PXDNL: variants seen among roughly 807,000 people sequenced by gnomAD.
The protein encoded by PXDNL is probable oxidoreductase PXDNL.
Under a neutral mutation model 150.8 loss-of-function variants are expected in PXDNL, and 145 were observed. The observed-to-expected ratio is 0.96, with a 90% CI of 0.84 to 1.10. The LOEUF is 1.10. PXDNL is among the 50% of genes least tolerant of loss of function. The pLI, the probability that PXDNL is intolerant of heterozygous loss-of-function variation, is 0.00. For synonymous variants in PXDNL, 757 were observed against 725.7 expected (o/e 1.04, Z -0.69); for missense variants, 2,087 against 1,873.9 (o/e 1.11, Z -2.10).
intron 2 of PXDNL, among the ~76,000 whole-genome samples, chr8:51,652,561 C>T (rs1157494636): frequency 1.3e-5 from 2 of 152,090 alleles, no homozygotes; most frequent in Non-Finnish European, 2.9e-5. Context: ...TGAATGCTAT[C>T]ATGAGAAACC....
intron 17 of PXDNL, among the ~76,000 whole-genome samples, chr8:51,405,075 C>T (rs954650225): frequency 6.6e-6 from 1 of 152,276 alleles, no homozygotes; most frequent in Non-Finnish European, 1.5e-5. Flanking sequence ...TGCCTGGGGC[C>T]GGCAGCCCCG....
intron 1 of PXDNL, among the ~76,000 whole-genome samples, chr8:51,780,319 G>A (rs745728453): frequency 2.6e-5 from 4 of 152,126 alleles, no homozygotes; most frequent in African/African-American, 7.2e-5. Flanking sequence ...GGACACTAAT[G>A]TAGATAGCTG....
chr8:51,791,904 A>G (rs2037516871), intron 1 of PXDNL, among the ~76,000 whole-genome samples: 1 of 152,218 alleles, frequency 6.6e-6, no homozygotes, highest in African/African-American at 2.4e-5. Context: ...TTAGCAATAC[A>G]TTGTAAATCT....
At chr8:51,603,894 T>C (rs1430131316) in intron 2 of PXDNL, among the ~76,000 whole-genome samples, 2 of 152,170 alleles carry the variant, frequency 1.3e-5, no homozygotes, top group Admixed American at 6.5e-5. Context: ...AGTGACAAAG[T>C]AGTGTCACTG....
At chr8:51,354,011 C>A (rs1261421712) in intron 19 of PXDNL, among the ~76,000 whole-genome samples, 2 of 152,070 alleles carry the variant, frequency 1.3e-5, no homozygotes. Context: ...TTCAGTAATT[C>A]TCTTAATGCA....
intron 4 of PXDNL, among the ~76,000 whole-genome samples, chr8:51,550,824 A>C (rs1189929298): frequency 6.6e-6 from 1 of 152,200 alleles, no homozygotes; most frequent in East Asian, 1.9e-4. Context: ...CAGAGCAATC[A>C]GACAAGAGAA....
At chr8:51,597,347 G>A (rs1390163859) in intron 2 of PXDNL, among the ~76,000 whole-genome samples, 1 of 152,054 alleles carries the variant, frequency 6.6e-6, no homozygotes, top group Non-Finnish European at 1.5e-5. Flanking sequence ...TGATGCCTCT[G>A]GCTTTGTTCT....
chr8:51,678,411 T>A (rs1277240019), intron 1 of PXDNL, among the ~76,000 whole-genome samples: 1 of 152,152 alleles, frequency 6.6e-6, no homozygotes, highest in Non-Finnish European at 1.5e-5. Context: ...AAAAATGGAA[T>A]CTGATAATGA....
chr8:51,336,655 T>G (rs377718381), intron 21 of PXDNL, among the ~76,000 whole-genome samples: 99 of 152,348 alleles, frequency 6.5e-4, no homozygotes, highest in Middle Eastern at 3.4e-3. Flanking sequence ...GGGTTCTTTA[T>G]TTTTCTCAAT....
chr8:51,611,082 G>T (rs71513537), intron 2 of PXDNL, among the ~76,000 whole-genome samples: 12,293 of 152,108 alleles, frequency 0.081, 595 homozygotes, highest in South Asian at 0.1. Context: ...GGTATTAGGG[G>T]GTCATCTTGG....
chr8:51,402,935 AC>A (rs2130868120), intron 17 of PXDNL, among the ~76,000 whole-genome samples: 1 of 127,918 alleles, frequency 7.8e-6, no homozygotes, highest in South Asian at 2.6e-4. Context: ...ACACACACAC[AC>A]AAAATTAGCC....
At chr8:51,374,205 C>A (rs1397987555) in intron 18 of PXDNL, among the ~76,000 whole-genome samples, 1 of 152,166 alleles carries the variant, frequency 6.6e-6, no homozygotes, top group Non-Finnish European at 1.5e-5. Flanking sequence ...TTGAAGGCTG[C>A]AGACGTCCTA....
At chr8:51,688,747 G>GA (rs1254356845) in intron 1 of PXDNL, among the ~76,000 whole-genome samples, 2 of 152,170 alleles carry the variant, frequency 1.3e-5, no homozygotes, top group African/African-American at 4.8e-5. Flanking sequence ...TCTGAAGACA[G>GA]AAAATCAACC....
intron 21 of PXDNL, among the ~76,000 whole-genome samples, chr8:51,322,714 C>G (rs1805362880): frequency 6.6e-6 from 1 of 152,156 alleles, no homozygotes; most frequent in African/African-American, 2.4e-5. Flanking sequence ...TCACGATGAA[C>G]TCAGACTTCA....
intron 21 of PXDNL, among the ~76,000 whole-genome samples, chr8:51,326,400 A>T (rs898437091): frequency 1.3e-5 from 2 of 152,194 alleles, no homozygotes; most frequent in African/African-American, 4.8e-5. Flanking sequence ...CAGGAGGCTG[A>T]AGCACAAGAA....
At chr8:51,633,527 C>A (rs1814536251) in intron 2 of PXDNL, among the ~76,000 whole-genome samples, 1 of 151,974 alleles carries the variant, frequency 6.6e-6, no homozygotes, top group Non-Finnish European at 1.5e-5. Context: ...ATGTGTTCTC[C>A]TTTCTCTGCA....
intron 1 of PXDNL, among the ~76,000 whole-genome samples, chr8:51,709,052 T>C (rs1346314337): frequency 6.6e-6 from 1 of 152,142 alleles, no homozygotes; most frequent in African/African-American, 2.4e-5. Flanking sequence ...GGAGCCCTGC[T>C]GAGGAAGAGG....
intron 20 of PXDNL, 88 bp from the exon 21 acceptor site, chr8:51,339,841 G>A: frequency 7.3e-7 from 1 of 1,367,532 alleles, no homozygotes; most frequent in South Asian, 1.3e-5. Flanking sequence ...TTGGTCATTT[G>A]GCATGTACAA....
intron 1 of PXDNL, among the ~76,000 whole-genome samples, chr8:51,742,898 G>C (rs560441539): frequency 1.6e-4 from 24 of 152,254 alleles, no homozygotes; most frequent in Non-Finnish European, 3.2e-4. Context: ...CATGCTGAAA[G>C]AGCACAGGCT....
Sources: gnomAD v4.1 joint callset for allele counts (sites outside exome capture counted in the v4.1 genomes callset) on GRCh38, gnomAD v4.1.1 for gene constraint, MANE v1.5 for transcripts, NCBI Gene and HGNC (gene_info 2026-07-23, HGNC 2026-07-21) for gene names.